Variants in EPB41L4B observed in about 807,000 individuals in gnomAD.
EPB41L4B encodes the protein band 4.1-like protein 4B.
EPB41L4B carries 30 observed loss-of-function variants against 112.5 expected under a neutral mutation model. That is an observed-to-expected ratio of 0.27 (90% CI 0.20 to 0.36). EPB41L4B has a LOEUF of 0.36. EPB41L4B is among the 10% of genes least tolerant of loss of function. The pLI is 1.00. For missense variants in EPB41L4B, 1,024 were observed against 1,133.3 expected, an observed-to-expected ratio of 0.90 and a Z score of 1.38; for synonymous variants, 408 against 439.7, an observed-to-expected ratio of 0.93 and a Z score of 0.90.
intron 15 of EPB41L4B, among the ~76,000 whole-genome samples, chr9:109,237,546 A>G (rs180691458): frequency 1.3e-5 from 2 of 152,324 alleles, no homozygotes; most frequent in East Asian, 3.9e-4. Context: ...ACCGTCTCAA[A>G]TAAGCAGTGG....
At chr9:109,256,056 C>T in intron 9 of EPB41L4B, 80 bp downstream of exon 9, 1 of 1,317,908 alleles carries the variant, frequency 7.6e-7, no homozygotes, top group South Asian at 1.2e-5. Context: ...TTGCAGATAC[C>T]CCTCAATAAT....
intron 15 of EPB41L4B, among the ~76,000 whole-genome samples, chr9:109,228,915 C>T (rs1251289625): frequency 2.6e-5 from 4 of 152,128 alleles, no homozygotes; most frequent in African/African-American, 9.7e-5. Flanking sequence ...AAATTCACAG[C>T]CCATGTAAAA....
At chr9:109,185,700 C>T (rs1832236138) in intron 22 of EPB41L4B, 95 bp from the exon 23 acceptor site, 5 of 931,700 alleles carry the variant, frequency 5.4e-6, no homozygotes, top group South Asian at 1.6e-5. Context: ...AGAAAGACAG[C>T]ACAGTGCAAG....
intron 1 of EPB41L4B, among the ~76,000 whole-genome samples, chr9:109,293,310 C>A (rs181874975): frequency 1.3e-5 from 2 of 151,932 alleles, no homozygotes; most frequent in Admixed American, 1.3e-4. Context: ...CTTAGGACAT[C>A]CCCACAGCAT....
intron 1 of EPB41L4B, among the ~76,000 whole-genome samples, chr9:109,292,394 C>T (rs1410957012): frequency 6.6e-6 from 1 of 152,198 alleles, no homozygotes; most frequent in African/African-American, 2.4e-5. Flanking sequence ...CAAAGGTCCA[C>T]TGGACAAACT....
chr9:109,314,872 T>C (rs1588243111), intron 1 of EPB41L4B, among the ~76,000 whole-genome samples: 1 of 152,074 alleles, frequency 6.6e-6, no homozygotes, highest in Middle Eastern at 3.4e-3. Flanking sequence ...TGGGAAAGGG[T>C]AGAAATGAGA....
At position 109,258,591 on chromosome 9, in the gene EPB41L4B, G is replaced by A. The variant is rs558527658; in HGVS notation, c.632-294C>T. ...GAAGCACCAGTTACATTTTCCCCAC[G>A]AAGGGGTAGAACCCTGAATTTGCAA... On this transcript the variant is annotated intron_variant, in intron 6 of 25. Coordinates refer to ENST00000374566, the MANE Select transcript of EPB41L4B (RefSeq NM_019114.5). 3.9e-5 allele frequency among the ~76,000 whole-genome samples: 6 copies of A among 152,298 alleles called. No homozygotes were observed. In the South Asian group the frequency reaches 1.2e-3, roughly 32 times the overall value.
At chr9:109,249,472 G>C (rs992375742) in intron 13 of EPB41L4B, among the ~76,000 whole-genome samples, 4 of 151,514 alleles carry the variant, frequency 2.6e-5, no homozygotes, top group Non-Finnish European at 5.9e-5. Flanking sequence ...GTTCCTAAAG[G>C]GTATATTTAT....
At chr9:109,282,136 A>T (rs778364171) in intron 1 of EPB41L4B, among the ~76,000 whole-genome samples, 1 of 152,212 alleles carries the variant, frequency 6.6e-6, no homozygotes, top group Non-Finnish European at 1.5e-5. Context: ...AAAAAGCCAG[A>T]CACAAGGAGC....
intron 15 of EPB41L4B, among the ~76,000 whole-genome samples, chr9:109,226,697 A>AAT (rs1304733980): frequency 6.0e-5 from 8 of 134,188 alleles, no homozygotes; most frequent in Non-Finnish European, 1.3e-4. Flanking sequence ...TATATATATG[A>AAT]ATATATATAT....
chr9:109,178,394 T>G (rs568576238), intron 24 of EPB41L4B, among the ~76,000 whole-genome samples: 5 of 151,046 alleles, frequency 3.3e-5, no homozygotes, highest in Non-Finnish European at 7.4e-5. Flanking sequence ...TCTTTTTTTT[T>G]TTTTTGAGTT....
intron 1 of EPB41L4B, among the ~76,000 whole-genome samples, chr9:109,289,808 T>C (rs1342288722): frequency 3.3e-5 from 5 of 152,228 alleles, no homozygotes; most frequent in Non-Finnish European, 7.3e-5. Context: ...AAAATAGTTG[T>C]AGTGATGGTT....
intron 1 of EPB41L4B, among the ~76,000 whole-genome samples, chr9:109,302,146 A>C (rs1390887522): frequency 1.3e-5 from 2 of 152,238 alleles, no homozygotes; most frequent in Non-Finnish European, 2.9e-5. Flanking sequence ...CAGATGCAAA[A>C]GACACATATT....
intron 6 of EPB41L4B, among the ~76,000 whole-genome samples, chr9:109,261,312 G>C (rs1031119367): frequency 1.3e-5 from 2 of 151,944 alleles, no homozygotes; most frequent in African/African-American, 4.8e-5. Flanking sequence ...CTTGGCGGGG[G>C]TGGGGTGAGG....
chr9:109,243,090 G>A (rs1160424539), intron 15 of EPB41L4B, among the ~76,000 whole-genome samples: 4 of 150,806 alleles, frequency 2.7e-5, no homozygotes, highest in Non-Finnish European at 4.4e-5. Flanking sequence ...TTGTGACAGC[G>A]ACCACAAAGC....
In EPB41L4B at chr9:109,306,213, G is replaced by A. The variant is rs188035853; in HGVS notation, c.306+13928C>T. 1.7e-3 allele frequency among the ~76,000 whole-genome samples: 262 copies of A among 152,316 alleles called. 1 individual carries two copies. Among genetic ancestry groups the A allele is most frequent in the African/African-American group, 5.1e-3 (213 of 41,562 alleles). ...AGGATTAAATGAAATGATCAAAGGT[G>A]AAAGCCTGATCTAAACCTACAACAC... On this transcript the variant is annotated intron_variant, in intron 1 of 25. Coordinates refer to ENST00000374566, the MANE Select transcript of EPB41L4B (RefSeq NM_019114.5).
chr9:109,195,345 G>C (rs887621223), intron 20 of EPB41L4B, among the ~76,000 whole-genome samples: 2 of 152,220 alleles, frequency 1.3e-5, no homozygotes, highest in East Asian at 3.8e-4. Flanking sequence ...ACATGAGGCC[G>C]TGAGACAAAG....
chr9:109,253,809 C>A (rs2119018178), intron 11 of EPB41L4B, among the ~76,000 whole-genome samples: 1 of 152,288 alleles, frequency 6.6e-6, no homozygotes, highest in African/African-American at 2.4e-5. Flanking sequence ...CTTGGCTGCA[C>A]AAACCAAGCA....
intron 17 of EPB41L4B, among the ~76,000 whole-genome samples, chr9:109,212,968 C>T (rs182966202): frequency 1.3e-5 from 2 of 152,258 alleles, no homozygotes; most frequent in East Asian, 1.9e-4. Flanking sequence ...GCAAAGAAAA[C>T]GAGGAAGCAT....
Sources: allele counts gnomAD v4.1 joint callset (sites outside exome capture counted in the v4.1 genomes callset), GRCh38; gene constraint gnomAD v4.1.1; transcripts MANE v1.5; gene names NCBI Gene and HGNC (gene_info 2026-07-23, HGNC 2026-07-21).